Variants in CRADD observed in about 807,000 individuals in gnomAD.
The protein encoded by CRADD is CARD and death domain containing adaptor protein.
In CRADD, 9 loss-of-function variants were observed where a neutral mutation model predicts 15.5. The ratio of observed to expected loss-of-function variants is 0.58; its 90% CI spans 0.35 to 1.01. CRADD has a LOEUF of 1.01. Ranked by LOEUF, CRADD falls within the 50% of genes least tolerant of loss-of-function variation. The probability of loss-of-function intolerance (pLI) is 0.02; values close to 1 mark genes in which losing one functional copy is unlikely to be tolerated. For missense variants in CRADD, 227 were observed against 250.3 expected, an observed-to-expected ratio of 0.91 and a Z score of 0.63; for synonymous variants, 118 against 107.6, an observed-to-expected ratio of 1.10 and a Z score of -0.60.
At chr12:93,807,435 C>G (rs1593006312) in intron 2 of CRADD, among the ~76,000 whole-genome samples, 2 of 152,192 alleles carry the variant, frequency 1.3e-5, no homozygotes, top group East Asian at 3.9e-4. Flanking sequence ...CACTCATGGT[C>G]TCAGTCCCCT....
intron 2 of CRADD, among the ~76,000 whole-genome samples, chr12:93,757,218 T>C (rs984630112): frequency 6.6e-6 from 1 of 152,244 alleles, no homozygotes; most frequent in Admixed American, 6.5e-5. Context: ...ACTTAGAGTC[T>C]ACTCCAGGTA....
chr12:93,804,090 C>T (rs1469197956), intron 2 of CRADD, among the ~76,000 whole-genome samples: 1 of 152,040 alleles, frequency 6.6e-6, no homozygotes, highest in African/African-American at 2.4e-5. Context: ...AAGTCATTAA[C>T]ATTTGTGGCC....
intron 2 of CRADD, among the ~76,000 whole-genome samples, chr12:93,733,936 C>T (rs1208419219): frequency 6.6e-6 from 1 of 152,054 alleles, no homozygotes; most frequent in East Asian, 1.9e-4. Flanking sequence ...AGGGTTTTGC[C>T]ATGTTGCCCA....
chr12:93,838,556 TTC>T (rs139864684), intron 2 of CRADD, among the ~76,000 whole-genome samples: 59,293 of 140,726 alleles, frequency 0.42, 12,738 homozygotes, highest in East Asian at 0.76. Context: ...GCTTCTCTCT[TTC>T]TCTCTCTTTT....
At chr12:93,882,046 C>T (rs1285217797) in intron 2 of CRADD, among the ~76,000 whole-genome samples, 1 of 152,028 alleles carries the variant, frequency 6.6e-6, no homozygotes, top group Non-Finnish European at 1.5e-5. Flanking sequence ...ATCGCTTGAA[C>T]CCATGAGGCA....
At chr12:93,852,629 C>T (rs1418497819), downstream of CRADD, among the ~76,000 whole-genome samples, 1 of 152,208 alleles carries the variant, frequency 6.6e-6, no homozygotes, top group Non-Finnish European at 1.5e-5. Context: ...AATAATGCTA[C>T]ATAGCAGCTG....
At chr12:93,753,987 T>G (rs4761525) in intron 2 of CRADD, among the ~76,000 whole-genome samples, 87,902 of 152,176 alleles carry the variant, frequency 0.58, 26,559 homozygotes, top group East Asian at 0.89. Flanking sequence ...TGTCCTAGCA[T>G]AGGTTCTCCA....
chr12:93,798,824 C>T (rs1266122220), intron 2 of CRADD, among the ~76,000 whole-genome samples: 3 of 152,146 alleles, frequency 2.0e-5, no homozygotes, highest in African/African-American at 4.8e-5. Flanking sequence ...CAGGTGAGTC[C>T]GAGGAAAGCA....
At chr12:93,764,613 T>C (rs1000529399) in intron 2 of CRADD, among the ~76,000 whole-genome samples, 35 of 152,190 alleles carry the variant, frequency 2.3e-4, no homozygotes, top group African/African-American at 8.2e-4. Flanking sequence ...GGGGGAGGGT[T>C]TAAGAGTCTC....
chr12:93,738,637 C>T (rs529740839), intron 2 of CRADD: 2 of 551,258 alleles, frequency 3.6e-6, no homozygotes, highest in South Asian at 5.1e-5. Context: ...GTCATTGTAA[C>T]CTTTGGTTAT....
chr12:93,731,129 A>G (rs1468816005), intron 2 of CRADD, among the ~76,000 whole-genome samples: 2 of 152,256 alleles, frequency 1.3e-5, no homozygotes, highest in Non-Finnish European at 2.9e-5. Context: ...CACATATGCC[A>G]AGAAAAAAGT....
intron 2 of CRADD, among the ~76,000 whole-genome samples, chr12:93,880,582 G>A (rs1394069266): frequency 1.3e-5 from 2 of 152,132 alleles, no homozygotes; most frequent in East Asian, 1.9e-4. Context: ...TTAAAAATAT[G>A]GTTTGGAAGT....
At chr12:93,705,112 C>A (rs1000936758) in intron 2 of CRADD, among the ~76,000 whole-genome samples, 2 of 152,224 alleles carry the variant, frequency 1.3e-5, no homozygotes, top group Admixed American at 6.5e-5. Context: ...CTTCTCTAGA[C>A]TGTAAGCTCT....
chr12:93,751,271 G>A (rs1424665974), intron 2 of CRADD, among the ~76,000 whole-genome samples: 4 of 152,184 alleles, frequency 2.6e-5, no homozygotes, highest in African/African-American at 7.2e-5. Context: ...CCTGGATGGT[G>A]TTTGTTTACC....
chr12:93,854,079 A>G (rs1217909127), downstream of CRADD, among the ~76,000 whole-genome samples: 1 of 152,146 alleles, frequency 6.6e-6, no homozygotes, highest in African/African-American at 2.4e-5. Flanking sequence ...ATAGCAAACT[A>G]CCCCCAAGAT....
intron 2 of CRADD, among the ~76,000 whole-genome samples, chr12:93,840,301 C>T (rs1958032058): frequency 1.3e-5 from 2 of 152,144 alleles, no homozygotes; most frequent in Admixed American, 1.3e-4. Context: ...TTATTAACTT[C>T]ATAGATCCTT....
At chr12:93,886,455 C>A (rs1415124764) in intron 2 of CRADD, among the ~76,000 whole-genome samples, 1 of 152,114 alleles carries the variant, frequency 6.6e-6, no homozygotes, top group Non-Finnish European at 1.5e-5. Flanking sequence ...GCCACTGCGC[C>A]CAGCCTGCCT....
intron 2 of CRADD, among the ~76,000 whole-genome samples, chr12:93,805,308 CTAAAG>C (rs1347623327): frequency 6.6e-6 from 1 of 150,540 alleles, no homozygotes; most frequent in Non-Finnish European, 1.5e-5. Flanking sequence ...TGAGAAAACT[CTAAAG>C]TAAGAATAAA....
chr12:93,729,541 C>T (rs1460522138), intron 2 of CRADD, among the ~76,000 whole-genome samples: 1 of 152,114 alleles, frequency 6.6e-6, no homozygotes, highest in East Asian at 1.9e-4. Context: ...AATTGCAGCA[C>T]TTTGGGAGGC....
Sources: gnomAD v4.1 joint callset for allele counts (sites outside exome capture counted in the v4.1 genomes callset) on GRCh38, gnomAD v4.1.1 for gene constraint, MANE v1.5 for transcripts, NCBI Gene and HGNC (gene_info 2026-07-23, HGNC 2026-07-21) for gene names.